The following FBN2 variants were observed in gnomAD, a reference collection of about 807,000 sequenced individuals.
FBN2 encodes the protein fibrillin-2.
FBN2 carries 105 observed loss-of-function variants against 355.6 expected under a neutral mutation model. That is an observed-to-expected ratio of 0.30 (90% CI 0.25 to 0.35). The LOEUF (loss-of-function observed/expected upper bound fraction) is 0.35. FBN2 is among the 10% of genes least tolerant of loss of function. FBN2 has a pLI of 1.00. For synonymous variants in FBN2, 1,350 were observed against 1,301.2 expected (o/e 1.04, Z -0.81); for missense variants, 3,280 against 3,758.7 (o/e 0.87, Z 3.33).
intron 62 of FBN2, among the ~76,000 whole-genome samples, chr5:128,264,022 G>T (rs2126796146): frequency 6.6e-6 from 1 of 152,236 alleles, no homozygotes; most frequent in African/African-American, 2.4e-5. Flanking sequence ...AGTTGCCGGG[G>T]CCTGTCGGGA....
At chr5:128,523,437 G>A (rs764079391) in intron 4 of FBN2, among the ~76,000 whole-genome samples, 1 of 151,926 alleles carries the variant, frequency 6.6e-6, no homozygotes, top group Admixed American at 6.6e-5. Context: ...TTGGGTCTCT[G>A]TTTTCAACTC....
chr5:128,384,697 A>C (rs1415595716), intron 11 of FBN2, among the ~76,000 whole-genome samples: 1 of 152,068 alleles, frequency 6.6e-6, no homozygotes, highest in Non-Finnish European at 1.5e-5. Flanking sequence ...CACAGGGTAC[A>C]TGGGCTGGGA....
chr5:128,363,376 A>AG (rs1235851414), intron 18 of FBN2, among the ~76,000 whole-genome samples: 2 of 151,842 alleles, frequency 1.3e-5, no homozygotes, highest in African/African-American at 4.8e-5. Flanking sequence ...TTTTTAGTAG[A>AG]GGGGGGTTTC....
In FBN2 at chr5:128,352,151, A is replaced by C. The variant is rs559769471; in HGVS notation, c.2675-1146T>G. On this transcript the variant is annotated intron_variant, in intron 20 of 64. Transcript: ENST00000262464. ...AGAAGGAATAAACATCACTTATAAA[A>C]CCCTCACTAATGCATTCCCAGGGCT... 1.2e-4 allele frequency among the ~76,000 whole-genome samples: 18 copies of C among 152,052 alleles called. No homozygotes were observed. In the South Asian group the frequency reaches 1.5e-3, roughly 12 times the overall value.
chr5:128,442,433 G>A (rs1378108256), intron 7 of FBN2: 9 of 450,498 alleles, frequency 2.0e-5, no homozygotes, highest in South Asian at 1.4e-4. Context: ...GTCTTTTAGT[G>A]TACCATTTCA....
At chr5:128,499,501 C>G (rs1411278924) in intron 5 of FBN2, among the ~76,000 whole-genome samples, 1 of 152,002 alleles carries the variant, frequency 6.6e-6, no homozygotes, top group African/African-American at 2.4e-5. Flanking sequence ...GGGGATGAAG[C>G]CTGAGTGCCG....
chr5:128,372,781 T>C (rs931366823), intron 15 of FBN2, among the ~76,000 whole-genome samples: 1 of 152,112 alleles, frequency 6.6e-6, no homozygotes, highest in African/African-American at 2.4e-5. Context: ...CATGCACCAC[T>C]ACACTTGGCT....
intron 55 of FBN2, among the ~76,000 whole-genome samples, chr5:128,282,335 A>G: frequency 6.6e-6 from 1 of 152,266 alleles, no homozygotes; most frequent in Middle Eastern, 3.4e-3. Flanking sequence ...TGAATTAAAA[A>G]GTTTTTTTAG....
chr5:128,487,643 T>A (rs1233970161), intron 5 of FBN2, among the ~76,000 whole-genome samples: 3 of 152,136 alleles, frequency 2.0e-5, no homozygotes, highest in Non-Finnish European at 4.4e-5. Flanking sequence ...GACTAGCAGA[T>A]GAGAGCTTCT....
In FBN2 at chr5:128,359,988, T is replaced by C. The variant is rs76721781; in HGVS notation, c.2554+1735A>G. Reference sequence around the variant, plus strand: ...TCTCTCACAATAGCACCAGAAAGTATTTTCCTAGACAGAGAAACCAGTTCT... The same window carrying C: ...TCTCTCACAATAGCACCAGAAAGTACTTTCCTAGACAGAGAAACCAGTTCT... On this transcript the variant is annotated intron_variant, in intron 19 of 64. Coordinates refer to ENST00000262464, the MANE Select transcript of FBN2 (RefSeq NM_001999.4). Among the ~76,000 whole-genome samples the C allele has an allele frequency of 3.6e-3, 553 of 152,218 alleles. 3 individuals are homozygous for C. Among genetic ancestry groups the C allele is most frequent in the African/African-American group, 0.012 (516 of 41,566 alleles).
intron 7 of FBN2, among the ~76,000 whole-genome samples, chr5:128,433,071 C>A (rs1419422224): frequency 1.3e-5 from 2 of 152,122 alleles, no homozygotes; most frequent in Non-Finnish European, 2.9e-5. Context: ...CTTCCTTCAA[C>A]ATGTGGAGAT....
intron 11 of FBN2, among the ~76,000 whole-genome samples, chr5:128,391,285 C>G (rs1561433328): frequency 6.6e-6 from 1 of 151,954 alleles, no homozygotes; most frequent in Admixed American, 6.6e-5. Context: ...CATTCCTCAA[C>G]AAAACAGAAC....
At chr5:128,455,108 T>C (rs1754346847) in intron 6 of FBN2, among the ~76,000 whole-genome samples, 2 of 152,152 alleles carry the variant, frequency 1.3e-5, no homozygotes, top group Non-Finnish European at 2.9e-5. Flanking sequence ...AAACAAAATG[T>C]CACTCCTAAT....
At chr5:128,338,586 A>G (rs1157405295) in intron 26 of FBN2, among the ~76,000 whole-genome samples, 2 of 152,258 alleles carry the variant, frequency 1.3e-5, no homozygotes, top group African/African-American at 2.4e-5. Flanking sequence ...AATAAGAGCA[A>G]TAACATGGGA....
At chr5:128,368,215 A>G (rs1264286264) in intron 16 of FBN2, among the ~76,000 whole-genome samples, 1 of 152,034 alleles carries the variant, frequency 6.6e-6, no homozygotes, top group East Asian at 1.9e-4. Flanking sequence ...AAGGAAAAAC[A>G]CAGATTGTGT....
At chr5:128,363,216 A>C (rs1423226424) in intron 18 of FBN2, among the ~76,000 whole-genome samples, 2 of 150,784 alleles carry the variant, frequency 1.3e-5, no homozygotes, top group Non-Finnish European at 3.0e-5. Flanking sequence ...TCTGAGATGG[A>C]GTCTCGGTCT....
rs1752055349 is a variant in FBN2, at chr5:128,375,451, C to T, written c.1973-701G>A. Among the ~76,000 whole-genome samples, 4 of 152,224 alleles carry T rather than the reference C, an allele frequency of 2.6e-5. No individual in the cohort carries two copies. The South Asian group carries it at 6.2e-4, about 24-fold the overall frequency. On this transcript the variant is annotated intron_variant, in intron 14 of 64. Transcript: ENST00000262464. ...TGAAGCATAATGACAATTTCCTATC[C>T]TGTGTTAAATCTAAATCAGCTAACC...
intron 7 of FBN2, chr5:128,442,355 G>A (rs1581299618): frequency 2.2e-6 from 1 of 456,606 alleles, no homozygotes; most frequent in South Asian, 1.5e-5. Flanking sequence ...GCTCCTGCTT[G>A]TGCTTTATCC....
At chr5:128,478,326 G>C (rs947955742) in intron 5 of FBN2, among the ~76,000 whole-genome samples, 2 of 152,076 alleles carry the variant, frequency 1.3e-5, no homozygotes, top group African/African-American at 4.8e-5. Flanking sequence ...GTAGGCATTG[G>C]GCTTTGCTGT....
Sources: gnomAD v4.1 joint callset for allele counts (sites outside exome capture counted in the v4.1 genomes callset) on GRCh38, gnomAD v4.1.1 for gene constraint, MANE v1.5 for transcripts, NCBI Gene and HGNC (gene_info 2026-07-23, HGNC 2026-07-21) for gene names.